The following LIPA variants were observed in gnomAD, a reference collection of about 807,000 sequenced individuals.
The protein encoded by LIPA is lipase A, lysosomal acid type.
Under a neutral mutation model 40.6 loss-of-function variants are expected in LIPA, and 26 were observed. The ratio of observed to expected loss-of-function variants is 0.64; its 90% confidence interval spans 0.47 to 0.89. LIPA has a LOEUF of 0.89. Ranked by LOEUF, LIPA falls within the 40% of genes least tolerant of loss-of-function variation. The pLI, the probability that LIPA is intolerant of heterozygous loss-of-function variation, is 0.00. For missense variants in LIPA, 455 were observed against 479.6 expected (o/e 0.95, Z 0.48); for synonymous variants, 188 against 168.4 (o/e 1.12, Z -0.90).
At position 89,245,666 on chromosome 10, in the gene LIPA, CT is replaced by C. The variant is rs1399049755; in HGVS notation, c.229+9del. The C allele has an allele frequency of 5.1e-6, 7 of 1,378,450 alleles. No individual in the cohort carries two copies. Among genetic ancestry groups the C allele is most frequent in the Non-Finnish European group, 6.2e-6 (6 of 965,612 alleles). The allele number at this position is 1,378,450 out of a possible 1,614,324, so 85.4% of individuals were successfully genotyped here. The stretch of plus-strand genomic sequence containing the variant: ...AATTCTGGTTTTTACTTTTAAGAGC[CT>C]TCCCATACCTTTGTCAGAATGGTTC... On this transcript the variant is annotated intron_variant, in intron 3 of 9. Coordinates refer to ENST00000336233, the MANE Select transcript of LIPA (RefSeq NM_000235.4).
chr10:89,217,287 G>A (rs1377759107), intron 8 of LIPA, among the ~76,000 whole-genome samples: 1 of 152,230 alleles, frequency 6.6e-6, no homozygotes, highest in East Asian at 1.9e-4. Flanking sequence ...GACAGAGTGA[G>A]ATGATATACT....
chr10:89,274,671 G>A (rs1843281135), intron 1 of LIPA, among the ~76,000 whole-genome samples: 1 of 152,162 alleles, frequency 6.6e-6, no homozygotes, highest in Non-Finnish European at 1.5e-5. Context: ...AATCTAGCAG[G>A]TTGAGAGGAA....
At chr10:89,336,113 A>C (rs1244577176) in intron 1 of LIPA, among the ~76,000 whole-genome samples, 1 of 151,204 alleles carries the variant, frequency 6.6e-6, no homozygotes, top group Non-Finnish European at 1.5e-5. Flanking sequence ...CTGTCTCTGC[A>C]AAAAAAGGAA....
intron 1 of LIPA, among the ~76,000 whole-genome samples, chr10:89,314,032 G>A (rs530483059): frequency 6.6e-6 from 1 of 152,224 alleles, no homozygotes; most frequent in South Asian, 2.1e-4. Flanking sequence ...TTTTATTATA[G>A]CTGTTAAAAA....
chr10:89,276,922 C>T (rs1328868520), intron 1 of LIPA, among the ~76,000 whole-genome samples: 2 of 152,090 alleles, frequency 1.3e-5, no homozygotes, highest in African/African-American at 4.8e-5. Flanking sequence ...GGTCTGAGGT[C>T]GAACGAAGGC....
chr10:89,243,089 G>A (rs1211691533), intron 3 of LIPA, among the ~76,000 whole-genome samples: 1 of 152,164 alleles, frequency 6.6e-6, no homozygotes, highest in Non-Finnish European at 1.5e-5. Flanking sequence ...GAGGGGAAGC[G>A]GGATGCATGA....
intron 2 of LIPA, among the ~76,000 whole-genome samples, chr10:89,378,698 A>T (rs552250038): frequency 6.6e-6 from 1 of 152,360 alleles, no homozygotes; most frequent in South Asian, 2.1e-4. Context: ...TTCCAAGCAC[A>T]GAGCATGGTG....
chr10:89,410,008 C>A (rs925656826), intron 2 of LIPA, among the ~76,000 whole-genome samples: 1 of 152,186 alleles, frequency 6.6e-6, no homozygotes, highest in Admixed American at 6.5e-5. Context: ...TGAAACTTTT[C>A]TTTAAACATC....
intron 2 of LIPA, chr10:89,384,523 A>C: frequency 1.9e-6 from 3 of 1,614,082 alleles, no homozygotes; most frequent in Non-Finnish European, 1.7e-6. Context: ...CCATTATTTA[A>C]AAGGTTTGAA....
chr10:89,390,497 T>A (rs998820981), intron 2 of LIPA, among the ~76,000 whole-genome samples: 4 of 152,182 alleles, frequency 2.6e-5, no homozygotes, highest in African/African-American at 9.7e-5. Flanking sequence ...AACTGGTCAG[T>A]CCCTTGCAGA....
chr10:89,394,625 TATAA>T (rs1332236017), intron 2 of LIPA, among the ~76,000 whole-genome samples: 840 of 29,476 alleles, frequency 0.028, 97 homozygotes, highest in African/African-American at 0.19. Flanking sequence ...TATATATATA[TATAA>T]AACTTGAATT....
chr10:89,273,391 G>C (rs1382403193), intron 1 of LIPA, among the ~76,000 whole-genome samples: 1 of 152,096 alleles, frequency 6.6e-6, no homozygotes, highest in African/African-American at 2.4e-5. Context: ...GGGGTACTGG[G>C]AAGTTAATAT....
chr10:89,215,932 CTT>C lies in LIPA; in HGVS notation c.966+4_966+5del. On this transcript the variant is annotated splice_donor_5th_base_variant and intron_variant, in intron 9 of 9. Coordinates refer to ENST00000336233, the MANE Select transcript of LIPA (RefSeq NM_000235.4). ...CCCCCTTTAATGAAAAGACTAAAAA[CTT>C]TACCTGGTTGTAATGAAAATAATTC... The C allele has an allele frequency of 1.9e-6, 3 of 1,600,032 alleles. No individual in the cohort carries two copies. The highest frequency in any genetic ancestry group is 2.6e-6 in the Non-Finnish European group (3 of 1,167,220).
chr10:89,278,160 G>A (rs780865820), intron 1 of LIPA: 2 of 152,090 alleles, frequency 1.3e-5, no homozygotes, highest in Non-Finnish European at 2.9e-5. Flanking sequence ...TCCTACCAAA[G>A]CATGTTACTA....
intron 2 of LIPA, among the ~76,000 whole-genome samples, chr10:89,368,102 T>TAAAC (rs148808348): frequency 0.018 from 2,680 of 152,276 alleles, 38 homozygotes; most frequent in African/African-American, 0.043. Context: ...AAGAAACTAT[T>TAAAC]AAAGTTCATT....
chr10:89,257,780 C>G (rs1235707014), intron 1 of LIPA, among the ~76,000 whole-genome samples: 3 of 152,276 alleles, frequency 2.0e-5, no homozygotes, highest in African/African-American at 7.2e-5. Flanking sequence ...CTTAAGGCAG[C>G]AGAGTTGCAG....
Position 89,313,535 on chromosome 10 carries a change from T to C in LIPA, c.-2+29076A>G, listed in dbSNP as rs145694472. ...CCATATGACCCAGCAATTCCATTCC[T>C]AGATACATATGTAAGAAAAAGGAAA... On this transcript the variant is annotated intron_variant, in intron 1 of 5. Transcript: ENST00000282673. 5.0e-4 allele frequency among the ~76,000 whole-genome samples: 76 copies of C among 152,364 alleles called. 1 individual carries two copies. The East Asian group carries it at 0.014, about 28-fold the overall frequency.
At position 89,214,032 on chromosome 10, in the gene LIPA, T is replaced by A. The variant is rs778531000; in HGVS notation, c.*796A>T. The stretch of plus-strand genomic sequence containing the variant: ...TCTCAGAAAAAATAGTGGTATAGTC[T>A]CCACAGGGATTTGCTTCTCAGATAA... On this transcript the variant is annotated 3_prime_UTR_variant, in exon 10 of 10. Coordinates refer to ENST00000336233, the MANE Select transcript of LIPA (RefSeq NM_000235.4). 6.6e-6 allele frequency: 1 copy of A among 152,204 alleles called. No homozygotes were observed. Among genetic ancestry groups the A allele is most frequent in the Non-Finnish European group, 1.5e-5 (1 of 68,046 alleles). 9.4% of individuals were successfully genotyped at this position (152,204 alleles called of 1,614,324 possible). A position where few individuals can be genotyped will look rare whatever the true frequency, so the allele number is the denominator to read the frequency against.
intron 2 of LIPA, among the ~76,000 whole-genome samples, chr10:89,350,501 T>G (rs1339561060): frequency 6.6e-6 from 1 of 151,962 alleles, no homozygotes; most frequent in African/African-American, 2.4e-5. Context: ...GAGAAGGGGT[T>G]TCACCATGTT....
Sources: allele counts gnomAD v4.1 joint callset (sites outside exome capture counted in the v4.1 genomes callset), GRCh38; gene constraint gnomAD v4.1.1; transcripts MANE v1.5; gene names NCBI Gene and HGNC (gene_info 2026-07-23, HGNC 2026-07-21).